Variants in RBFOX3 observed in about 807,000 individuals in gnomAD.
RBFOX3 encodes the protein RNA binding protein fox-1 homolog 3.
A neutral mutation model predicts 48.7 loss-of-function variants in RBFOX3; 17 were observed. The observed-to-expected ratio is 0.35, with a 90% CI of 0.24 to 0.52. The LOEUF (loss-of-function observed/expected upper bound fraction) is 0.52. Ranked by LOEUF, RBFOX3 falls within the 20% of genes least tolerant of loss-of-function variation. The pLI, the probability that RBFOX3 is intolerant of heterozygous loss-of-function variation, is 0.94. For synonymous variants in RBFOX3, 212 were observed against 209.5 expected, an observed-to-expected ratio of 1.01 and a Z score of -0.10; for missense variants, 382 against 497.5, an observed-to-expected ratio of 0.77 and a Z score of 2.21.
chr17:79,458,191 G>A (rs1203186108), intron 2 of RBFOX3, among the ~76,000 whole-genome samples: 6 of 152,228 alleles, frequency 3.9e-5, no homozygotes, highest in African/African-American at 1.4e-4. Context: ...AGCAGTCGGC[G>A]CACACGGTTA....
At chr17:79,380,617 G>A (rs2059784624) in intron 2 of RBFOX3, among the ~76,000 whole-genome samples, 1 of 152,170 alleles carries the variant, frequency 6.6e-6, no homozygotes, top group Non-Finnish European at 1.5e-5. Flanking sequence ...AAAAATGGGT[G>A]AGGGGCAGGC....
At chr17:79,279,734 G>A (rs2069804178) in intron 3 of RBFOX3, among the ~76,000 whole-genome samples, 1 of 152,244 alleles carries the variant, frequency 6.6e-6, no homozygotes, top group African/African-American at 2.4e-5. Context: ...GGTTGCAGAT[G>A]TAAACTTCAC....
the RBFOX3 span, among the ~76,000 whole-genome samples, chr17:79,629,142 G>T: frequency 1.3e-5 from 2 of 152,206 alleles, no homozygotes. Context: ...GGAGACAGGT[G>T]GGTGAACAGC....
chr17:79,556,558 G>A (rs1482335532), intron 1 of RBFOX3, among the ~76,000 whole-genome samples: 1 of 152,200 alleles, frequency 6.6e-6, no homozygotes, highest in Non-Finnish European at 1.5e-5. Context: ...ACCACATCCA[G>A]AGTGGGTGGG....
the RBFOX3 span, among the ~76,000 whole-genome samples, chr17:79,632,558 T>G: frequency 1.3e-5 from 2 of 151,980 alleles, no homozygotes; most frequent in East Asian, 3.9e-4. Flanking sequence ...CATGGTGAAG[T>G]CAGAGGATCC....
chr17:79,275,459 C>G (rs937039572), intron 3 of RBFOX3, among the ~76,000 whole-genome samples: 3 of 152,196 alleles, frequency 2.0e-5, no homozygotes, highest in Non-Finnish European at 4.4e-5. Flanking sequence ...TGGTCCCCCC[C>G]CAACCTCCAA....
intron 2 of RBFOX3, among the ~76,000 whole-genome samples, chr17:79,428,431 G>A (rs1341000354): frequency 1.3e-5 from 2 of 152,250 alleles, no homozygotes; most frequent in East Asian, 3.8e-4. Flanking sequence ...TCAGGGCAGA[G>A]CCAGCTCCAC....
chr17:79,306,076 C>A (rs1183551515), intron 3 of RBFOX3, among the ~76,000 whole-genome samples: 2 of 152,262 alleles, frequency 1.3e-5, no homozygotes, highest in African/African-American at 4.8e-5. Flanking sequence ...CCAGAAAGCA[C>A]AGACGGAATC....
intron 1 of RBFOX3, among the ~76,000 whole-genome samples, chr17:79,507,326 G>A (rs1598981344): frequency 6.6e-6 from 1 of 152,148 alleles, no homozygotes; most frequent in South Asian, 2.1e-4. Context: ...GAAGACCCCT[G>A]TCTCCTCTCA....
At chr17:79,442,978 C>T (rs1371275926) in intron 2 of RBFOX3, among the ~76,000 whole-genome samples, 4 of 152,222 alleles carry the variant, frequency 2.6e-5, no homozygotes, top group African/African-American at 9.6e-5. Context: ...CATGAAGCAG[C>T]GCCCAGCAGC....
At chr17:79,200,162 CAAAAAAA>C (rs3046721) in intron 4 of RBFOX3, among the ~76,000 whole-genome samples, 2 of 110,944 alleles carry the variant, frequency 1.8e-5, no homozygotes, top group East Asian at 5.3e-4. Context: ...GACTCCGTCT[CAAAAAAA>C]AAAAAAAAAA....
At chr17:79,166,151 T>C (rs1258527192) in intron 4 of RBFOX3, among the ~76,000 whole-genome samples, 3 of 15,052 alleles carry the variant, frequency 2.0e-4, no homozygotes, top group African/African-American at 3.2e-4. Context: ...ACCCCTCCTG[T>C]TCCCCCCCCG....
At chr17:79,179,227 T>C (rs2051299395) in intron 4 of RBFOX3, among the ~76,000 whole-genome samples, 1 of 150,030 alleles carries the variant, frequency 6.7e-6, no homozygotes, top group Non-Finnish European at 1.5e-5. Flanking sequence ...TGCCTCCTAA[T>C]GAATCTCAGA....
intron 1 of RBFOX3, among the ~76,000 whole-genome samples, chr17:79,558,665 T>C (rs934102996): frequency 6.6e-6 from 1 of 152,162 alleles, no homozygotes; most frequent in African/African-American, 2.4e-5. Context: ...TTTGGAAATT[T>C]ACTGGAGCAG....
chr17:79,559,582 G>A (rs1325964805), intron 1 of RBFOX3, among the ~76,000 whole-genome samples: 1 of 150,312 alleles, frequency 6.7e-6, no homozygotes, highest in Non-Finnish European at 1.5e-5. Flanking sequence ...TGAGTGGGTG[G>A]GGGGGTGGAT....
chr17:79,299,451 G>A lies in RBFOX3; in HGVS notation c.-74+8273C>T, dbSNP rs916773357. Among the ~76,000 whole-genome samples the A allele has an allele frequency of 2.0e-5, 3 of 152,152 alleles. No homozygotes were observed. Among genetic ancestry groups the A allele is most frequent in the African/African-American group, 7.2e-5 (3 of 41,422 alleles). ...TAATGATACAACAATACAAATAACA[G>A]AAGTGAAAAAATACAGTGTCATTGC... On this transcript the variant is annotated intron_variant, in intron 3 of 14. Transcript: ENST00000693108. The surrounding 1 kb of genome is among the most constrained non-coding windows in gnomAD (Gnocchi z 4.5).
At chr17:79,272,898 G>C (rs2067993365) in intron 3 of RBFOX3, among the ~76,000 whole-genome samples, 1 of 132,080 alleles carries the variant, frequency 7.6e-6, no homozygotes, top group African/African-American at 2.8e-5. Flanking sequence ...CTGTCTGCTT[G>C]CCCCGTGTCC....
At chr17:79,169,220 T>C (rs2048637616) in intron 4 of RBFOX3, among the ~76,000 whole-genome samples, 1 of 152,196 alleles carries the variant, frequency 6.6e-6, no homozygotes, top group Non-Finnish European at 1.5e-5. Flanking sequence ...TGCCCACCTC[T>C]GCTTGGGCCC....
At chr17:79,322,278 A>G (rs1351965238) in intron 2 of RBFOX3, among the ~76,000 whole-genome samples, 1 of 151,934 alleles carries the variant, frequency 6.6e-6, no homozygotes, top group Non-Finnish European at 1.5e-5. Context: ...GAGGAAGAGC[A>G]AGAAGCTGCT....
Sources: allele counts gnomAD v4.1 joint callset (sites outside exome capture counted in the v4.1 genomes callset), GRCh38; gene constraint gnomAD v4.1.1; non-coding constraint Gnocchi (gnomAD v3.1); transcripts MANE v1.5; gene names NCBI Gene and HGNC (gene_info 2026-07-23, HGNC 2026-07-21).